Variants in NPR2 observed in about 807,000 individuals in gnomAD.
NPR2 encodes atrial natriuretic peptide receptor 2.
In NPR2, 49 loss-of-function variants were observed where a neutral mutation model predicts 120.7. The observed-to-expected ratio is 0.41, with a 90% CI of 0.32 to 0.52. The LOEUF is 0.52. Ranked by LOEUF, NPR2 falls within the 20% of genes least tolerant of loss-of-function variation. The pLI is 0.36. For missense variants in NPR2, 931 were observed against 1,362.9 expected (o/e 0.68, Z 4.99); for synonymous variants, 484 against 519.8 (o/e 0.93, Z 0.94).
chr9:35,801,678 T>C lies in NPR2; in HGVS notation c.1472T>C (p.Leu491Ser). ...LMLEKELASM[L>S]WRIRWEELQF... The stretch of plus-strand genomic sequence containing the variant: ...CTGGAGAAGGAGCTGGCTAGCATGT[T>C]GTGGCGTATTCGCTGGGAAGAACTG... Residue 491 changes from leucine to serine, a missense_variant, in exon 8 of 22, where the codon TTG (leucine) becomes TCG (serine). Physicochemically the swap from Leu to Ser is moderately radical, Grantham distance 145. This residue lies in a region of NPR2 where 681 missense variants were observed against 974.3 expected (regional missense o/e 0.70). Coordinates refer to ENST00000342694, the MANE Select transcript of NPR2 (RefSeq NM_003995.4). 6.2e-7 allele frequency: 1 copy of C among 1,614,130 alleles called. No homozygotes were observed. The highest frequency in any genetic ancestry group is 8.5e-7 in the Non-Finnish European group (1 of 1,179,956).
Position 35,809,718 on chromosome 9 carries a change from A to T in NPR2, c.*273A>T, listed in dbSNP as rs1563995487. 2 of 1,279,920 alleles carry T rather than the reference A, an allele frequency of 1.6e-6. No individual in the cohort carries two copies. The highest frequency in any genetic ancestry group is 1.1e-6 in the Non-Finnish European group (1 of 900,352). The allele number at this position is 1,279,920 out of a possible 1,614,324, so 79.3% of individuals were successfully genotyped here. On this transcript the variant is annotated 3_prime_UTR_variant, in exon 22 of 22. Transcript: ENST00000342694. This position sits in a 1 kb window ranked among gnomAD's most constrained non-coding sequence, Gnocchi z 4.1. ...GTCAAATATAAAACAATAATAAAAA[A>T]AGTTCTGATGTCATAGTGTGGGATA...
rs1828110434 is a variant in NPR2 at position 35,800,536 on chromosome 9, C to T, written c.1218+53C>T. On this transcript the variant is annotated intron_variant, in intron 5 of 21. Transcript: ENST00000342694. The surrounding 1 kb of genome is among the most constrained non-coding windows in gnomAD (Gnocchi z 4.7). Reference sequence around the variant, plus strand: ...GTGTGGCCCTGCAAAATCCAGCTTTCAAGGGTTCAGTCGGGGCAGAACCAA... The same window carrying T: ...GTGTGGCCCTGCAAAATCCAGCTTTTAAGGGTTCAGTCGGGGCAGAACCAA... 1.3e-6 allele frequency: 2 copies of T among 1,582,270 alleles called. No homozygotes were observed. Among genetic ancestry groups the T allele is most frequent in the African/African-American group, 1.3e-5 (1 of 74,256 alleles).
Position 35,802,172 on chromosome 9 carries a change from T to G in NPR2, c.1633-34T>G. The G allele has an allele frequency of 3.5e-6, 5 of 1,448,362 alleles. No homozygotes were observed. Among genetic ancestry groups the G allele is most frequent in the Non-Finnish European group, 4.9e-6 (5 of 1,028,850 alleles). 89.7% of individuals were successfully genotyped at this position (1,448,362 alleles called of 1,614,324 possible). A position where few individuals can be genotyped will look rare whatever the true frequency, so the allele number is the denominator to read the frequency against. On this transcript the variant is annotated intron_variant, in intron 9 of 21. Coordinates refer to ENST00000342694, the MANE Select transcript of NPR2 (RefSeq NM_003995.4). The surrounding 1 kb of genome is among the most constrained non-coding windows in gnomAD (Gnocchi z 4.2). Reference sequence around the variant, plus strand: ...TCCTTGTACCCAGAACTTCTGATATTCACTTTCCTTTCCCCTTTCACTCCC... The same window carrying G: ...TCCTTGTACCCAGAACTTCTGATATGCACTTTCCTTTCCCCTTTCACTCCC...
chr9:35,800,822 C>T lies in NPR2; in HGVS notation c.1332C>T (p.Asp444=), dbSNP rs572593621. 4.3e-5 allele frequency: 69 copies of T among 1,614,138 alleles called. 1 individual carries two copies. The South Asian group carries it at 4.9e-4, about 12-fold the overall frequency. The stretch of plus-strand genomic sequence containing the variant: ...ATCCCCCCTGTGCCTTTGACTTGGA[C>T]GACCCATCCTGTGATAAAAGTGGGT... The part of the protein sequence containing the change: ...SDNPPCAFDL[D]DPSCDKTPLS... Residue 444 remains aspartate (D), a synonymous_variant, in exon 6 of 22, where the codon GAC becomes GAT. Transcript: ENST00000342694. The surrounding 1 kb of genome is among the most constrained non-coding windows in gnomAD (Gnocchi z 4.7).
chr9:35,809,599 C>T lies in NPR2; in HGVS notation c.*154C>T. On this transcript the variant is annotated 3_prime_UTR_variant, in exon 22 of 22. Transcript: ENST00000342694. This position sits in a 1 kb window ranked among gnomAD's most constrained non-coding sequence, Gnocchi z 4.1. ...CTTATATGGAAGTTGTAGCCCTCTG[C>T]AGCTCAGCCCTGTACATATACCTGT... 1 of 1,274,854 alleles carries T rather than the reference C, an allele frequency of 7.8e-7. No homozygotes were observed. The highest frequency in any genetic ancestry group is 1.5e-5 in the African/African-American group (1 of 68,566). 79.0% of individuals were successfully genotyped at this position (1,274,854 alleles called of 1,614,324 possible).
Position 35,802,654 on chromosome 9 carries a change from C to T in NPR2, c.1815+47C>T, listed in dbSNP as rs1267683205. 1.3e-6 allele frequency: 2 copies of T among 1,481,970 alleles called. No homozygotes were observed. Among genetic ancestry groups the T allele is most frequent in the African/African-American group, 1.4e-5 (1 of 72,222 alleles). The allele number at this position is 1,481,970 out of a possible 1,614,324, so 91.8% of individuals were successfully genotyped here. On this transcript the variant is annotated intron_variant, in intron 11 of 21. Coordinates refer to ENST00000342694, the MANE Select transcript of NPR2 (RefSeq NM_003995.4). The surrounding 1 kb of genome is among the most constrained non-coding windows in gnomAD (Gnocchi z 4.2). ...TTATGGCAGGGGTGGGAAGGATAGACCCAAAGTTATACTGACTCTATGCTG... is the reference window on the plus strand; with the variant it reads ...TTATGGCAGGGGTGGGAAGGATAGATCCAAAGTTATACTGACTCTATGCTG...
Position 35,809,558 on chromosome 9 carries a change from C to T in NPR2, c.*113C>T, listed in dbSNP as rs1303013420. 1 of 1,572,554 alleles carries T rather than the reference C, an allele frequency of 6.4e-7. No homozygotes were observed. The highest frequency in any genetic ancestry group is 8.7e-7 in the Non-Finnish European group (1 of 1,143,312). The stretch of plus-strand genomic sequence containing the variant: ...CATTTTCATATGCAATGGAAAACAG[C>T]CACAAAAAAACCTACCTTATATGGA... On this transcript the variant is annotated 3_prime_UTR_variant, in exon 22 of 22. Coordinates refer to ENST00000342694, the MANE Select transcript of NPR2 (RefSeq NM_003995.4). This position sits in a 1 kb window ranked among gnomAD's most constrained non-coding sequence, Gnocchi z 4.1.
intron 2 of NPR2, among the ~76,000 whole-genome samples, chr9:35,796,773 C>A (rs1269163325): frequency 6.6e-6 from 1 of 152,144 alleles, no homozygotes; most frequent in African/African-American, 2.4e-5. Context: ...AGGTGCCCCG[C>A]CCCCCACCTT....
rs748416711 is a variant in NPR2 at position 35,801,961 on chromosome 9, T to C, written c.1593T>C (p.His531=). 1.5e-5 allele frequency: 25 copies of C among 1,614,062 alleles called. No individual in the cohort carries two copies. In the East Asian group the frequency reaches 5.6e-4, roughly 36 times the overall value. ...GTTACGGCTCGCTCATGACAGCCCA[T>C]GGGAAATACCAGATCTTTGCCAACA... ...GSSYGSLMTA[H]GKYQIFANTG... The change falls in exon 9 of 22, where the codon CAT becomes CAC. Residue 531 remains histidine (H), a synonymous_variant. Transcript: ENST00000342694.
In NPR2 at chr9:35,792,874, C is replaced by G. The variant is rs1317588933; in HGVS notation, c.466C>G (p.Leu156Val). 6 of 1,614,058 alleles carry G rather than the reference C, an allele frequency of 3.7e-6. No individual in the cohort carries two copies. The highest frequency in any genetic ancestry group is 4.5e-5 in the East Asian group (2 of 44,888). ...CAAGCTGGGTGAGTTTGTGGTGACA[C>G]TACACGGGCACTTCAATTGGACTGC... ...APKLGEFVVT[L>V]HGHFNWTARA... is the part of the protein sequence containing the mutation. The change falls in exon 1 of 22, where the codon CTA (leucine) becomes GTA (valine). Residue 156 changes from leucine (L) to valine (V), a missense_variant. Around this residue, in one of 3 missense-constraint regions of NPR2, gnomAD observed 681 missense variants for 974.3 expected, o/e 0.70. Transcript: ENST00000342694.
rs1485081591 is a variant in NPR2 at position 35,809,210 on chromosome 9, G to C, written c.3041G>C (p.Cys1014Ser). The C allele has an allele frequency of 6.2e-7, 1 of 1,614,068 alleles. No homozygotes were observed. Among genetic ancestry groups the C allele is most frequent in the South Asian group, 1.1e-5 (1 of 91,074 alleles). ...AAGGATGCCCTAGATGAGCTAGGAT[G>C]CTTCCAGCTAGAGCTTCGGGGGGAT... ...TTKDALDELGCFQLELRGDVE... is the reference protein window; with the variant it reads ...TTKDALDELGSFQLELRGDVE... Residue 1014 changes from cysteine to serine, a missense_variant, in exon 21 of 22, where the codon TGC becomes TCC. Coordinates refer to ENST00000342694, the MANE Select transcript of NPR2 (RefSeq NM_003995.4). This position sits in a 1 kb window ranked among gnomAD's most constrained non-coding sequence, Gnocchi z 4.1.
intron 1 of NPR2, 75 bp downstream of exon 1, chr9:35,793,150 TGTA>T (rs1827841339): frequency 2.1e-6 from 3 of 1,419,642 alleles, no homozygotes; most frequent in Non-Finnish European, 1.9e-6. Flanking sequence ...ACTGGGGAAC[TGTA>T]GATGGAGATA....
At position 35,802,880 on chromosome 9, in the gene NPR2, T is replaced by C; in HGVS notation, c.1887+77T>C. On this transcript the variant is annotated intron_variant, in intron 12 of 21. Transcript: ENST00000342694. The surrounding 1 kb of genome is among the most constrained non-coding windows in gnomAD (Gnocchi z 4.2). ...GTTCTTTGATTGTGGTTTTTCTCCT[T>C]CTAGTCCTCTGAAGTCCTGTTCTCT... 1 of 995,584 alleles carries C rather than the reference T, an allele frequency of 1.0e-6. No homozygotes were observed. The highest frequency in any genetic ancestry group is 1.3e-5 in the South Asian group (1 of 78,248). The allele number at this position is 995,584 out of a possible 1,614,324, so 61.7% of individuals were successfully genotyped here. A position where few individuals can be genotyped will look rare whatever the true frequency, so the allele number is the denominator to read the frequency against.
chr9:35,796,090 G>A (rs1159785439), intron 2 of NPR2, among the ~76,000 whole-genome samples: 1 of 152,236 alleles, frequency 6.6e-6, no homozygotes, highest in Non-Finnish European at 1.5e-5. Context: ...GGAATAGAGT[G>A]TTATGAAAAG....
chr9:35,806,335 AAGT>A lies in NPR2; in HGVS notation c.2373-56_2373-54del. 1 of 1,610,002 alleles carries A rather than the reference AAGT, an allele frequency of 6.2e-7. No individual in the cohort carries two copies. Among genetic ancestry groups the A allele is most frequent in the African/African-American group, 1.3e-5 (1 of 74,892 alleles). On this transcript the variant is annotated intron_variant, in intron 15 of 21. Transcript: ENST00000342694. The surrounding 1 kb of genome is among the most constrained non-coding windows in gnomAD (Gnocchi z 4.6). Reference sequence around the variant, plus strand: ...GGGACCAGAGGGTGGGTTGGATAGGAAGTCCTGGGAATCTTCAGAATCTTAGAG... The same window carrying A: ...GGGACCAGAGGGTGGGTTGGATAGGACCTGGGAATCTTCAGAATCTTAGAG...
chr9:35,805,505 C>G lies in NPR2; in HGVS notation c.1888-6C>G, dbSNP rs1453277291. 1.2e-6 allele frequency: 2 copies of G among 1,614,112 alleles called. No homozygotes were observed. The highest frequency in any genetic ancestry group is 3.3e-5 in the Admixed American group (2 of 60,034). On this transcript the variant is annotated splice_polypyrimidine_tract_variant and splice_region_variant and intron_variant, in intron 12 of 21. Transcript: ENST00000342694. This position sits in a 1 kb window ranked among gnomAD's most constrained non-coding sequence, Gnocchi z 4.9. ...CCAATCCCATGACTTGATCTGTACCCTGCAGGGCATGGCCTTTCTCCACAA... is the reference window on the plus strand; with the variant it reads ...CCAATCCCATGACTTGATCTGTACCGTGCAGGGCATGGCCTTTCTCCACAA...
At position 35,806,121 on chromosome 9, in the gene NPR2, C is replaced by T. The variant is rs371968545; in HGVS notation, c.2260C>T (p.Arg754Trp). Residue 754 changes from arginine (R) to tryptophan (W), a missense_variant, in exon 15 of 22, where the codon CGG becomes TGG. Arg to Trp is a moderately radical substitution (Grantham distance 101, BLOSUM62 -3). Around this residue, in one of 3 missense-constraint regions of NPR2, gnomAD observed 66 missense variants for 60.3 expected, o/e 1.09. Transcript: ENST00000342694. This position sits in a 1 kb window ranked among gnomAD's most constrained non-coding sequence, Gnocchi z 4.6. ...QRPYFRPSID[R>W]TQLNEELVLL... ...GCCATATTTCCGGCCAAGCATTGACCGGACCCAACTGAATGAAGAGCTAGT... is the reference window on the plus strand; with the variant it reads ...GCCATATTTCCGGCCAAGCATTGACTGGACCCAACTGAATGAAGAGCTAGT... 117 of 1,614,076 alleles carry T rather than the reference C, an allele frequency of 7.2e-5. No individual in the cohort carries two copies. Among genetic ancestry groups the T allele is most frequent in the African/African-American group, 2.7e-4 (20 of 74,934 alleles).
chr9:35,798,037 T>C (rs1393204009), intron 2 of NPR2, among the ~76,000 whole-genome samples: 3 of 152,254 alleles, frequency 2.0e-5, no homozygotes, highest in Non-Finnish European at 2.9e-5. Context: ...TTGATAGATA[T>C]AGTCCACATA....
intron 2 of NPR2, among the ~76,000 whole-genome samples, chr9:35,795,331 T>G (rs530565081): frequency 6.6e-6 from 1 of 152,298 alleles, no homozygotes; most frequent in African/African-American, 2.4e-5. Flanking sequence ...CCATGAATCT[T>G]CCCGATTCCC....
Sources: gnomAD v4.1 joint callset for allele counts (sites outside exome capture counted in the v4.1 genomes callset) on GRCh38, gnomAD v4.1.1 for gene constraint, gnomAD v4.1.1 regional missense constraint, Gnocchi (gnomAD v3.1) non-coding constraint, MANE v1.5 for transcripts, NCBI Gene and HGNC (gene_info 2026-07-23, HGNC 2026-07-21) for gene names.